VPS13C: variants seen among roughly 807,000 people sequenced by gnomAD.
VPS13C encodes vacuolar protein sorting 13 homolog C, also known as intermembrane lipid transfer protein VPS13C.
In VPS13C, 358 loss-of-function variants were observed where a neutral mutation model predicts 456.8. That is an observed-to-expected ratio of 0.78 (90% CI 0.72 to 0.86). The LOEUF (loss-of-function observed/expected upper bound fraction) is 0.86. Among genes scored for constraint, VPS13C ranks in the 40% least tolerant of loss-of-function variants. The pLI, the probability that VPS13C is intolerant of heterozygous loss-of-function variation, is 0.00. For synonymous variants in VPS13C, 1,578 were observed against 1,486.7 expected, an observed-to-expected ratio of 1.06 and a Z score of -1.41; for missense variants, 4,818 against 4,385.4, an observed-to-expected ratio of 1.10 and a Z score of -2.79.
chr15:62,039,350 G>T (rs926549546), intron 3 of VPS13C, among the ~76,000 whole-genome samples: 1 of 151,970 alleles, frequency 6.6e-6, no homozygotes, highest in South Asian at 2.1e-4. Context: ...ATCTAATATT[G>T]TATGTTCTCA....
chr15:61,998,586 C>T (rs1251301513), intron 16 of VPS13C, among the ~76,000 whole-genome samples: 2 of 152,190 alleles, frequency 1.3e-5, no homozygotes, highest in Non-Finnish European at 2.9e-5. Flanking sequence ...AACTAAGGCA[C>T]AGAGGGGTCA....
At chr15:62,022,437 T>C (rs1596490623) in intron 8 of VPS13C, among the ~76,000 whole-genome samples, 1 of 152,056 alleles carries the variant, frequency 6.6e-6, no homozygotes, top group East Asian at 1.9e-4. Flanking sequence ...ATGATAATTC[T>C]TCCACTTTCA....
intron 24 of VPS13C, 40 bp downstream of exon 24, chr15:61,977,042 A>T: frequency 7.2e-7 from 1 of 1,394,648 alleles, no homozygotes; most frequent in African/African-American, 1.4e-5. Flanking sequence ...GACATATTTC[A>T]CCTGTTGATT....
Position 61,931,227 on chromosome 15 carries a change from G to T in VPS13C, c.5901C>A (p.Phe1967Leu), listed in dbSNP as rs1316306616. The T allele has an allele frequency of 6.2e-7, 1 of 1,613,842 alleles. No homozygotes were observed. The highest frequency in any genetic ancestry group is 8.5e-7 in the Non-Finnish European group (1 of 1,179,898). Residue 1967 changes from phenylalanine (F) to leucine (L), a missense_variant, in exon 50 of 85, where the codon TTC becomes TTA. This residue lies in a region of VPS13C where 4,552 missense variants were observed against 4,130.6 expected (regional missense o/e 1.10). Coordinates refer to ENST00000644861, the MANE Select transcript of VPS13C (RefSeq NM_020821.3). ...GATGTAGTCTGAGTTCACCAAGTTGGAAACTGTCATTATGAAATGCAACTC... is the reference window on the plus strand; with the variant it reads ...GATGTAGTCTGAGTTCACCAAGTTGTAAACTGTCATTATGAAATGCAACTC... Reference protein sequence around the residue: ...ESGVAFHNDSFQLGELRLHLM... With the variant: ...ESGVAFHNDSLQLGELRLHLM...
In VPS13C at chr15:61,880,700, A is replaced by G. The variant is rs756718375; in HGVS notation, c.9911T>C (p.Ile3304Thr). The change falls in exon 73 of 85, where the codon ATT becomes ACT. Residue 3304 changes from isoleucine to threonine, a missense_variant. Physicochemically the swap from Ile to Thr is moderately conservative, Grantham distance 89. Around this residue, in one of 3 missense-constraint regions of VPS13C, gnomAD observed 4,552 missense variants for 4,130.6 expected, o/e 1.10. Transcript: ENST00000644861. Reference sequence around the variant, plus strand: ...CATTAATTCTGCATTTAGAGCATCAATATCTTGTTGGATTAACTTTGTCTG... The same window carrying G: ...CATTAATTCTGCATTTAGAGCATCAGTATCTTGTTGGATTAACTTTGTCTG... ...RRRTKLIQQD[I>T]DALNAELMET... The G allele has an allele frequency of 1.3e-6, 2 of 1,589,648 alleles. No individual in the cohort carries two copies. Among genetic ancestry groups the G allele is most frequent in the South Asian group, 1.2e-5 (1 of 84,598 alleles).
At chr15:61,991,595 T>A in intron 17 of VPS13C, 78 bp downstream of exon 17, 9 of 1,454,504 alleles carry the variant, frequency 6.2e-6, no homozygotes, top group Non-Finnish European at 8.2e-6. Flanking sequence ...CAAAATAAAA[T>A]TCAACAGGGA....
chr15:61,988,308 A>G (rs1412023417), intron 18 of VPS13C, among the ~76,000 whole-genome samples: 1 of 152,228 alleles, frequency 6.6e-6, no homozygotes, highest in Non-Finnish European at 1.5e-5. Context: ...GTCCAAATTC[A>G]TCAAATAAAA....
At position 61,941,907 on chromosome 15, in the gene VPS13C, G is replaced by A; in HGVS notation, c.5309C>T (p.Ser1770Phe). The A allele has an allele frequency of 6.2e-7, 1 of 1,613,998 alleles. No individual in the cohort carries two copies. Among genetic ancestry groups the A allele is most frequent in the Non-Finnish European group, 8.5e-7 (1 of 1,179,938 alleles). The change falls in exon 46 of 85, where the codon TCT (serine) becomes TTT (phenylalanine). Residue 1770 changes from serine to phenylalanine, a missense_variant. Physicochemically the swap from Ser to Phe is radical, Grantham distance 155. Transcript: ENST00000644861. Reference sequence around the variant, plus strand: ...TATAACAGCATTAGGTGATACTGAAGACTGAGGAATAATAATAACTGGTGC... The same window carrying A: ...TATAACAGCATTAGGTGATACTGAAAACTGAGGAATAATAATAACTGGTGC... ...LKAPVIIIPQSSVSPNAVIAD... is the reference protein window; with the variant it reads ...LKAPVIIIPQFSVSPNAVIAD...
Position 61,867,506 on chromosome 15 carries a change from T to G in VPS13C, c.10863+1153A>C. 1 of 989,896 alleles carries G rather than the reference T, an allele frequency of 1.0e-6. No homozygotes were observed. The highest frequency in any genetic ancestry group is 1.1e-4 in the East Asian group (1 of 8,936). The allele number at this position is 989,896 out of a possible 1,614,324, so 61.3% of individuals were successfully genotyped here. A position where few individuals can be genotyped will look rare whatever the true frequency, so the allele number is the denominator to read the frequency against. On this transcript the variant is annotated intron_variant, in intron 81 of 84. Coordinates refer to ENST00000644861, the MANE Select transcript of VPS13C (RefSeq NM_020821.3). The surrounding 1 kb of genome is among the most constrained non-coding windows in gnomAD (Gnocchi z 5.0). ...TAGAGCCATTTGTGAAACAGAAAGC[T>G]ATGTAATTCCATCATCAAGACTCAC... is the stretch of plus-strand genomic sequence containing the variant.
At chr15:61,897,122 C>G (rs1256803734) in intron 66 of VPS13C, among the ~76,000 whole-genome samples, 2 of 152,030 alleles carry the variant, frequency 1.3e-5, no homozygotes, top group African/African-American at 4.8e-5. Context: ...CATCAAAGAC[C>G]AAAAGTAGAT....
Position 61,983,925 on chromosome 15 carries a change from A to C in VPS13C, c.1809T>G (p.Thr603=). 6.2e-7 allele frequency: 1 copy of C among 1,614,160 alleles called. No individual in the cohort carries two copies. Among genetic ancestry groups the C allele is most frequent in the Non-Finnish European group, 8.5e-7 (1 of 1,180,000 alleles). The change falls in exon 20 of 85, where the codon ACT becomes ACG. Residue 603 remains threonine, a synonymous_variant. Transcript: ENST00000644861. The part of the protein sequence containing the change: ...VPSLVASIGD[T]TSSLLKIKFE... ...ATTTAATTTTAAGCAAGGATGATGT[A>C]GTGTCACCAATTGAAGCCACAAGTG...
chr15:61,910,664 A>C (rs1418844343), intron 63 of VPS13C, among the ~76,000 whole-genome samples: 1 of 152,194 alleles, frequency 6.6e-6, no homozygotes, highest in Non-Finnish European at 1.5e-5. Flanking sequence ...TCATTAATAC[A>C]TGATGAATTC....
chr15:61,938,928 A>G (rs571156108), intron 47 of VPS13C, among the ~76,000 whole-genome samples: 2 of 152,312 alleles, frequency 1.3e-5, no homozygotes, highest in Non-Finnish European at 2.9e-5. Context: ...AACAATATAT[A>G]ATAGTATTAT....
intron 1 of VPS13C, among the ~76,000 whole-genome samples, chr15:62,054,295 C>T (rs754691013): frequency 1.3e-5 from 2 of 152,154 alleles, no homozygotes; most frequent in Non-Finnish European, 2.9e-5. Flanking sequence ...CTTTTCTGAA[C>T]CTCTGAAAGC....
chr15:61,995,700 C>T (rs531176762), intron 16 of VPS13C, among the ~76,000 whole-genome samples: 19 of 152,294 alleles, frequency 1.2e-4, no homozygotes, highest in East Asian at 3.9e-4. Context: ...CCCACAGCCA[C>T]GAAGAGCTAA....
intron 1 of VPS13C, among the ~76,000 whole-genome samples, chr15:62,058,939 A>AAAC (rs369319726): frequency 1.4e-5 from 2 of 143,416 alleles, no homozygotes; most frequent in Non-Finnish European, 3.0e-5. Context: ...CAAAAAAAAA[A>AAAC]AACAACAACA....
intron 1 of VPS13C, among the ~76,000 whole-genome samples, chr15:62,049,422 G>A (rs986623578): frequency 5.9e-5 from 9 of 152,090 alleles, no homozygotes; most frequent in East Asian, 1.9e-4. Flanking sequence ...GTAGATATGC[G>A]GCATTATTTC....
At chr15:61,980,380 G>A in intron 22 of VPS13C, among the ~76,000 whole-genome samples, 1 of 152,094 alleles carries the variant, frequency 6.6e-6, no homozygotes, top group East Asian at 1.9e-4. Context: ...CATTCTGCCT[G>A]TTGACTTTCT....
chr15:61,980,212 A>AAAG (rs2045839531), intron 22 of VPS13C, among the ~76,000 whole-genome samples: 1 of 139,706 alleles, frequency 7.2e-6, no homozygotes, highest in East Asian at 2.3e-4. Flanking sequence ...AAAAAAAAAA[A>AAAG]AGAGAGAGAG....
Sources: allele counts gnomAD v4.1 joint callset (sites outside exome capture counted in the v4.1 genomes callset), GRCh38; gene constraint gnomAD v4.1.1; regional missense constraint gnomAD v4.1.1; non-coding constraint Gnocchi (gnomAD v3.1); transcripts MANE v1.5; gene names NCBI Gene and HGNC (gene_info 2026-07-23, HGNC 2026-07-21).